B4GALT1: variants seen among roughly 807,000 people sequenced by gnomAD.
B4GALT1 encodes beta-1,4-galactosyltransferase 1, also known as N-acetyllactosamine synthase.
Under a neutral mutation model 34.9 loss-of-function variants are expected in B4GALT1, and 16 were observed. The ratio of observed to expected loss-of-function variants is 0.46; its 90% CI spans 0.31 to 0.70. B4GALT1 has a LOEUF of 0.70. B4GALT1 is among the 30% of genes least tolerant of loss of function. The probability of loss-of-function intolerance (pLI) is 0.05; values close to 1 mark genes in which losing one functional copy is unlikely to be tolerated. For synonymous variants in B4GALT1, 221 were observed against 218.1 expected (o/e 1.01, Z -0.12); for missense variants, 445 against 530.5 (o/e 0.84, Z 1.58).
intron 1 of B4GALT1, among the ~76,000 whole-genome samples, chr9:33,142,602 C>T (rs533403350): frequency 1.3e-5 from 2 of 152,196 alleles, no homozygotes; most frequent in African/African-American, 2.4e-5. Context: ...TGTTTCTTTC[C>T]CTAGGACCTC....
intron 1 of B4GALT1, among the ~76,000 whole-genome samples, chr9:33,156,136 G>C (rs1840590719): frequency 6.6e-6 from 1 of 151,180 alleles, no homozygotes; most frequent in Non-Finnish European, 1.5e-5. Flanking sequence ...TTTTTTTTCG[G>C]GGGGCGGGGG....
intron 1 of B4GALT1, among the ~76,000 whole-genome samples, chr9:33,148,245 A>C (rs1293654112): frequency 6.6e-6 from 1 of 152,208 alleles, no homozygotes. Context: ...AGGCATATGA[A>C]GAAATGCTCC....
chr9:33,117,123 CCT>C lies in B4GALT1; in HGVS notation c.837-1012_837-1011del, dbSNP rs992198137. ...CCTGGAATCTGAGATTGTTTCAGAGCCTCTCTGTACCCACCCAGTCACAGCCC... is the reference window on the plus strand; with the variant it reads ...CCTGGAATCTGAGATTGTTTCAGAGCCTCTGTACCCACCCAGTCACAGCCC... On this transcript the variant is annotated intron_variant, in intron 3 of 5. Coordinates refer to ENST00000379731, the MANE Select transcript of B4GALT1 (RefSeq NM_001497.4). 1.2e-4 allele frequency among the ~76,000 whole-genome samples: 19 copies of C among 152,246 alleles called. No individual in the cohort carries two copies. The South Asian group carries it at 2.9e-3, about 23-fold the overall frequency.
chr9:33,161,021 TTCTCTCTC>T (rs35401344), intron 1 of B4GALT1, among the ~76,000 whole-genome samples: 32 of 149,242 alleles, frequency 2.1e-4, no homozygotes, highest in South Asian at 1.1e-3. Context: ...AGGCAAGTCA[TTCTCTCTC>T]TCTCTCTCTC....
At chr9:33,107,785 A>C (rs1020489723), downstream of B4GALT1, among the ~76,000 whole-genome samples, 1 of 151,948 alleles carries the variant, frequency 6.6e-6, no homozygotes, top group Non-Finnish European at 1.5e-5. Context: ...CTTGGAGCCC[A>C]TGGGGAGGGG....
At position 33,161,655 on chromosome 9, in the gene B4GALT1, T is replaced by C. The variant is rs559371467; in HGVS notation, c.412+5103A>G. 2.6e-5 allele frequency among the ~76,000 whole-genome samples: 4 copies of C among 152,240 alleles called. No homozygotes were observed. The East Asian group carries it at 7.7e-4, about 29-fold the overall frequency. On this transcript the variant is annotated intron_variant, in intron 1 of 5. Transcript: ENST00000379731. ...CACACCAGTCTATACCAAAGCCAAA[T>C]GTAAAACTGTCACCATGCCAGGCCC...
chr9:33,158,102 G>T (rs567044798), intron 1 of B4GALT1, among the ~76,000 whole-genome samples: 6 of 152,034 alleles, frequency 3.9e-5, no homozygotes, highest in Non-Finnish European at 5.9e-5. Flanking sequence ...GGCCTTTCAC[G>T]TTGCATATAC....
chr9:33,126,439 T>A (rs68100239), intron 2 of B4GALT1, among the ~76,000 whole-genome samples: 16,657 of 152,130 alleles, frequency 0.11, 1,014 homozygotes, highest in African/African-American at 0.15. Flanking sequence ...AGTTTTGCTT[T>A]TGTTGTTGTT....
At chr9:33,169,801 G>T (rs1840823326), upstream of B4GALT1, among the ~76,000 whole-genome samples, 1 of 152,032 alleles carries the variant, frequency 6.6e-6, no homozygotes, top group Non-Finnish European at 1.5e-5. Context: ...GATTACAGGC[G>T]TGAGCCACCG....
At chr9:33,132,131 A>C (rs921933439) in intron 2 of B4GALT1, among the ~76,000 whole-genome samples, 48 of 152,186 alleles carry the variant, frequency 3.2e-4, no homozygotes, top group Non-Finnish European at 2.1e-4. Flanking sequence ...AGCAAAGAAA[A>C]AAAAAAGATG....
intron 1 of B4GALT1, 80 bp downstream of exon 1, chr9:33,166,676 CCT>C: frequency 7.2e-7 from 1 of 1,391,168 alleles, no homozygotes. Flanking sequence ...GAAGAGCCAG[CCT>C]GAGGGAATGT....
chr9:33,164,148 C>A (rs1840715032), intron 1 of B4GALT1, among the ~76,000 whole-genome samples: 1 of 152,302 alleles, frequency 6.6e-6, no homozygotes, highest in South Asian at 2.1e-4. Flanking sequence ...AGCATCTGGC[C>A]CAGACCCCTG....
chr9:33,131,327 T>C (rs1323307220), intron 2 of B4GALT1, among the ~76,000 whole-genome samples: 1 of 152,190 alleles, frequency 6.6e-6, no homozygotes. Flanking sequence ...GTTTCTACAT[T>C]GTCTGGCCTC....
intron 1 of B4GALT1, among the ~76,000 whole-genome samples, chr9:33,152,992 A>G (rs557667902): frequency 1.3e-5 from 2 of 152,288 alleles, no homozygotes; most frequent in East Asian, 1.9e-4. Flanking sequence ...TGAGCCCAGG[A>G]GTTCGAGTCC....
At chr9:33,121,399 A>C (rs1214939681) in intron 2 of B4GALT1, among the ~76,000 whole-genome samples, 2 of 152,098 alleles carry the variant, frequency 1.3e-5, no homozygotes, top group African/African-American at 4.8e-5. Flanking sequence ...GTCTTGCTTC[A>C]TCACTGAGGC....
chr9:33,182,424 GT>G, the B4GALT1 span, among the ~76,000 whole-genome samples: 1 of 152,176 alleles, frequency 6.6e-6, no homozygotes, highest in African/African-American at 2.4e-5. Flanking sequence ...GAGGTACGCT[GT>G]CCATCTCATT....
the B4GALT1 span, among the ~76,000 whole-genome samples, chr9:33,183,338 T>C: frequency 6.6e-6 from 1 of 151,258 alleles, no homozygotes; most frequent in African/African-American, 2.4e-5. Context: ...TGCACACGTA[T>C]GTTTATTGCG....
At chr9:33,124,034 G>A (rs1436148749) in intron 2 of B4GALT1, among the ~76,000 whole-genome samples, 1 of 152,184 alleles carries the variant, frequency 6.6e-6, no homozygotes, top group Admixed American at 6.5e-5. Context: ...CACTTTAGCA[G>A]GTGCTATCAT....
At chr9:33,184,404 C>T in the B4GALT1 span, among the ~76,000 whole-genome samples, 1 of 152,246 alleles carries the variant, frequency 6.6e-6, no homozygotes, top group East Asian at 1.9e-4. Context: ...TTACCCTCTT[C>T]AACCACTATC....
Sources: allele counts gnomAD v4.1 joint callset (sites outside exome capture counted in the v4.1 genomes callset), GRCh38; gene constraint gnomAD v4.1.1; transcripts MANE v1.5; gene names NCBI Gene and HGNC (gene_info 2026-07-23, HGNC 2026-07-21).